The following RGS4 variants were observed in gnomAD, a reference collection of about 807,000 sequenced individuals.
The protein encoded by RGS4 is schizophrenia disorder 9.
A neutral mutation model predicts 21.6 loss-of-function variants in RGS4; 15 were observed. That is an observed-to-expected ratio of 0.69 (90% confidence interval 0.46 to 1.07). The LOEUF is 1.07. Ranked by LOEUF, RGS4 falls within the 50% of genes least tolerant of loss-of-function variation. The pLI is 0.00. For missense variants in RGS4, 237 were observed against 239.0 expected (o/e 0.99, Z 0.06); for synonymous variants, 94 against 85.5 (o/e 1.10, Z -0.55).
At chr1:163,071,040 C>A (rs1390261663) in intron 1 of RGS4, among the ~76,000 whole-genome samples, 4 of 152,102 alleles carry the variant, frequency 2.6e-5, no homozygotes, top group East Asian at 3.9e-4. Context: ...AGCACACTTA[C>A]CCCCTGCATT....
intron 1 of RGS4, chr1:163,071,926 A>C: frequency 1.0e-6 from 1 of 961,880 alleles, no homozygotes; most frequent in Non-Finnish European, 1.2e-6. Flanking sequence ...GTGCTTCTAC[A>C]GTTCCCTCTG....
upstream of RGS4, chr1:163,069,157 A>T: frequency 6.7e-7 from 1 of 1,495,982 alleles, no homozygotes; most frequent in Non-Finnish European, 8.9e-7. Context: ...CATTGAGTAC[A>T]TTTTTTCCCA....
chr1:163,070,200 T>C (rs1655255458), intron 1 of RGS4, among the ~76,000 whole-genome samples: 1 of 152,176 alleles, frequency 6.6e-6, no homozygotes, highest in African/African-American at 2.4e-5. Context: ...CATTGTTTTG[T>C]TAATATACTC....
At chr1:163,072,716 T>C (rs764547616) in intron 2 of RGS4, 89 bp from the exon 3 acceptor site, 5 of 1,155,992 alleles carry the variant, frequency 4.3e-6, no homozygotes, top group Non-Finnish European at 6.3e-6. Context: ...GAAAATAAAA[T>C]CTTTGCCTTC....
At chr1:163,069,222 C>A (rs888545666), upstream of RGS4, 2 of 1,534,486 alleles carry the variant, frequency 1.3e-6, no homozygotes, top group East Asian at 2.5e-5. Flanking sequence ...ATTGCTGATG[C>A]GTCAGTCTTT....
At chr1:163,070,622 C>T (rs2102341368) in intron 1 of RGS4, 1 of 152,232 alleles carries the variant, frequency 6.6e-6, no homozygotes, top group East Asian at 1.9e-4. Flanking sequence ...GCTTAATTTT[C>T]TGAATGGAGT....
At chr1:163,072,984 C>A in intron 3 of RGS4, 118 bp downstream of exon 3, 1 of 773,152 alleles carries the variant, frequency 1.3e-6, no homozygotes, top group Non-Finnish European at 2.1e-6. Context: ...TCAGGAGACT[C>A]TTTAGGTCTT....
At chr1:163,069,048 A>G, upstream of RGS4, 1 of 1,203,960 alleles carries the variant, frequency 8.3e-7, no homozygotes, top group Non-Finnish European at 1.1e-6. Context: ...CTTCCTTGAT[A>G]TTTTTTTTTT....
At chr1:163,068,995 A>G (rs758107976), upstream of RGS4, 2 of 1,603,146 alleles carry the variant, frequency 1.2e-6, no homozygotes, top group South Asian at 1.1e-5. Flanking sequence ...GCTCCTAAGT[A>G]AGCTCCAGAA....
At position 163,072,349 on chromosome 1, in the gene RGS4, G is replaced by A. The variant is rs1192413596; in HGVS notation, c.45-46G>A. 4 of 1,406,802 alleles carry A rather than the reference G, an allele frequency of 2.8e-6. 1 individual carries two copies. The highest frequency in any genetic ancestry group is 1.8e-4 in the Middle Eastern group (1 of 5,652). 87.1% of individuals were successfully genotyped at this position (1,406,802 alleles called of 1,614,324 possible). On this transcript the variant is annotated intron_variant, in intron 1 of 4. Coordinates refer to ENST00000367909, the MANE Select transcript of RGS4 (RefSeq NM_005613.6). ...GCTCTACCATTAGGTATCTTTTAAA[G>A]AAAGCTGGTTATTACTATTTATTCA...
At position 163,075,016 on chromosome 1, in the gene RGS4, A is replaced by G. The variant is rs1446515594; in HGVS notation, c.*456A>G. The G allele has an allele frequency of 3.2e-6, 1 of 316,390 alleles. No homozygotes were observed. Among genetic ancestry groups the G allele is most frequent in the African/African-American group, 2.1e-5 (1 of 47,158 alleles). 19.6% of individuals were successfully genotyped at this position (316,390 alleles called of 1,614,324 possible). A position where few individuals can be genotyped will look rare whatever the true frequency, so the allele number is the denominator to read the frequency against. On this transcript the variant is annotated 3_prime_UTR_variant, in exon 5 of 5. Coordinates refer to ENST00000367909, the MANE Select transcript of RGS4 (RefSeq NM_005613.6). ...TGTGCTTGTGTGTATGTCTATGTGT[A>G]TATATTATATATACATTAGACACAC...
upstream of RGS4, chr1:163,068,894 C>T: frequency 2.2e-6 from 3 of 1,383,384 alleles, no homozygotes; most frequent in Non-Finnish European, 3.1e-6. Context: ...GATGATCCTG[C>T]CAGCTCCCTT....
At chr1:163,074,182 G>A in intron 4 of RGS4, 139 bp from the exon 5 acceptor site, 1 of 1,001,290 alleles carries the variant, frequency 1.0e-6, no homozygotes, top group Non-Finnish European at 1.5e-6. Flanking sequence ...ATGTGCCAAG[G>A]AGGACCCCAA....
intron 4 of RGS4, 75 bp from the exon 5 acceptor site, chr1:163,074,246 G>A: frequency 1.9e-6 from 3 of 1,582,728 alleles, no homozygotes; most frequent in Non-Finnish European, 1.7e-6. Flanking sequence ...CCACTTACAA[G>A]TCACTACAAA....
At chr1:163,069,047 T>A, upstream of RGS4, 1 of 1,555,008 alleles carries the variant, frequency 6.4e-7, no homozygotes. Context: ...ACTTCCTTGA[T>A]ATTTTTTTTT....
Position 163,076,748 on chromosome 1 carries a change from A to G in RGS4, c.*2188A>G, listed in dbSNP as rs1484104335. 1.3e-5 allele frequency: 2 copies of G among 152,106 alleles called. No homozygotes were observed. The highest frequency in any genetic ancestry group is 2.4e-5 in the African/African-American group (1 of 41,426). 9.4% of individuals were successfully genotyped at this position (152,106 alleles called of 1,614,324 possible). A position where few individuals can be genotyped will look rare whatever the true frequency, so the allele number is the denominator to read the frequency against. Reference sequence around the variant, plus strand: ...GATAGGCCTCAAAGCTAATGCTTCCAGTGAAACACACGCATCTTAATAATA... The same window carrying G: ...GATAGGCCTCAAAGCTAATGCTTCCGGTGAAACACACGCATCTTAATAATA... On this transcript the variant is annotated 3_prime_UTR_variant, in exon 5 of 5. Coordinates refer to ENST00000367909, the MANE Select transcript of RGS4 (RefSeq NM_005613.6).
chr1:163,069,276 G>A, upstream of RGS4: 3 of 1,551,134 alleles, frequency 1.9e-6, no homozygotes, highest in Non-Finnish European at 2.6e-6. Context: ...GAGGGAGACA[G>A]AGGAGCTGGT....
Position 163,074,450 on chromosome 1 carries a change from A to G in RGS4, c.508A>G (p.Lys170Glu). The G allele has an allele frequency of 6.2e-7, 1 of 1,613,916 alleles. No homozygotes were observed. Among genetic ancestry groups the G allele is most frequent in the African/African-American group, 1.3e-5 (1 of 75,016 alleles). Residue 170 changes from lysine (K) to glutamate (E), a missense_variant, in exon 5 of 5, where the codon AAG becomes GAG. Transcript: ENST00000367909. ...GAAGGATTCCTACCGCCGCTTCCTCAAGTCTCGATTCTATCTTGATTTGGT... is the reference window on the plus strand; with the variant it reads ...GAAGGATTCCTACCGCCGCTTCCTCGAGTCTCGATTCTATCTTGATTTGGT... ...MEKDSYRRFL[K>E]SRFYLDLVNP...
chr1:163,071,815 C>T (rs1308721870), intron 1 of RGS4: 1 of 131,556 alleles, frequency 7.6e-6, no homozygotes, highest in Non-Finnish European at 1.5e-5. Flanking sequence ...CTGTGCACCT[C>T]AGTGTATTCT....
Sources: allele counts gnomAD v4.1 joint callset (sites outside exome capture counted in the v4.1 genomes callset), GRCh38; gene constraint gnomAD v4.1.1; transcripts MANE v1.5; gene names NCBI Gene and HGNC (gene_info 2026-07-23, HGNC 2026-07-21).